The following DPPA2 variants were observed in gnomAD, a reference collection of about 807,000 sequenced individuals.
DPPA2 encodes developmental pluripotency associated 2.
DPPA2 carries 26 observed loss-of-function variants against 36.2 expected under a neutral mutation model. The ratio of observed to expected loss-of-function variants is 0.72; its 90% confidence interval spans 0.53 to 1.00. The LOEUF is 1.00. Ranked by LOEUF, DPPA2 falls within the 50% of genes least tolerant of loss-of-function variation. DPPA2 has a pLI of 0.00. For synonymous variants in DPPA2, 113 were observed against 123.2 expected, an observed-to-expected ratio of 0.92 and a Z score of 0.55; for missense variants, 361 against 365.1, an observed-to-expected ratio of 0.99 and a Z score of 0.09.
rs536991059 is a variant in DPPA2, at chr3:109,310,710, TGGCCA to T, written c.182-1385_182-1381del. The stretch of plus-strand genomic sequence containing the variant: ...TAGTAGAGACGGTGTTTCACTATGT[TGGCCA>T]GGCTGGTCTCGAACGCCTGACCTTG... On this transcript the variant is annotated intron_variant, in intron 3 of 8. Transcript: ENST00000478945. Among the ~76,000 whole-genome samples, 497 of 152,048 alleles carry T rather than the reference TGGCCA, an allele frequency of 3.3e-3. 3 individuals carry two copies. The highest frequency in any genetic ancestry group is 0.011 in the African/African-American group (471 of 41,494).
intron 8 of DPPA2, among the ~76,000 whole-genome samples, chr3:109,296,032 C>T (rs946579734): frequency 1.8e-4 from 27 of 152,018 alleles, no homozygotes; most frequent in African/African-American, 6.3e-4. Context: ...TTAAAAAGAA[C>T]TGAATATCCA....
intron 8 of DPPA2, among the ~76,000 whole-genome samples, chr3:109,297,563 C>T (rs1707377315): frequency 6.6e-6 from 1 of 151,526 alleles, no homozygotes; most frequent in Non-Finnish European, 1.5e-5. Flanking sequence ...TACTGTGGCA[C>T]GCCTATTAGA....
chr3:109,303,616 G>A (rs186222288), intron 7 of DPPA2, among the ~76,000 whole-genome samples: 3,760 of 151,506 alleles, frequency 0.025, 149 homozygotes, highest in African/African-American at 0.084. Context: ...TGATCCGCCC[G>A]CCTCGGCCTC....
chr3:109,314,718 G>T (rs1277192132), intron 1 of DPPA2, among the ~76,000 whole-genome samples, 163 bp from the exon 2 acceptor site: 1 of 152,070 alleles, frequency 6.6e-6, no homozygotes, highest in South Asian at 2.1e-4. Context: ...CTGGTAATGG[G>T]ATAATTTTAT....
At chr3:109,305,788 A>C (rs572070328) in intron 6 of DPPA2, among the ~76,000 whole-genome samples, 26 of 152,088 alleles carry the variant, frequency 1.7e-4, no homozygotes, top group Non-Finnish European at 3.5e-4. Flanking sequence ...AAAAAAAAAA[A>C]AAAACGCGTA....
chr3:109,303,734 G>A (rs1048305780), intron 7 of DPPA2, among the ~76,000 whole-genome samples: 4 of 152,126 alleles, frequency 2.6e-5, no homozygotes, highest in African/African-American at 9.7e-5. Context: ...GTGAGTATCT[G>A]ACATGTATTA....
At chr3:109,313,806 A>G (rs1308755964) in intron 2 of DPPA2, among the ~76,000 whole-genome samples, 3 of 152,186 alleles carry the variant, frequency 2.0e-5, no homozygotes, top group Non-Finnish European at 4.4e-5. Context: ...TCAAAATAAC[A>G]CTGACATTAT....
intron 1 of DPPA2, 74 bp from the exon 2 acceptor site, chr3:109,314,629 G>T: frequency 7.1e-7 from 1 of 1,416,630 alleles, no homozygotes; most frequent in Non-Finnish European, 9.7e-7. Context: ...CCTTTTATAA[G>T]CAAATGTTTC....
chr3:109,296,639 C>A (rs576904695), intron 8 of DPPA2, among the ~76,000 whole-genome samples: 50 of 150,780 alleles, frequency 3.3e-4, no homozygotes, highest in African/African-American at 9.0e-4. Flanking sequence ...CGCGCCATTG[C>A]GCTCCAGCTG....
At chr3:109,296,688 TA>T (rs35910479) in intron 8 of DPPA2, among the ~76,000 whole-genome samples, 1 of 147,320 alleles carries the variant, frequency 6.8e-6, no homozygotes, top group African/African-American at 2.5e-5. Context: ...AAAAAAATAA[TA>T]AAAAAAAAAG....
Position 109,304,426 on chromosome 3 carries a change from T to C in DPPA2, c.854+49A>G, listed in dbSNP as rs201058739. ...GTTAAATTATTTAGAAATCCATCTA[T>C]ACACCTACTTTTCTGTGTGCCATGC... On this transcript the variant is annotated intron_variant, in intron 7 of 8. Coordinates refer to ENST00000478945, the MANE Select transcript of DPPA2 (RefSeq NM_138815.4). 9.1e-5 allele frequency: 139 copies of C among 1,525,098 alleles called. No homozygotes were observed. In the Admixed American group the frequency reaches 2.7e-3, roughly 30 times the overall value. The allele number at this position is 1,525,098 out of a possible 1,614,324, so 94.5% of individuals were successfully genotyped here.
At chr3:109,300,249 T>G in intron 8 of DPPA2, 122 bp downstream of exon 8, 1 of 769,226 alleles carries the variant, frequency 1.3e-6, no homozygotes, top group Non-Finnish European at 2.2e-6. Context: ...CTTTGATACA[T>G]TTATGTCCTG....
At position 109,298,288 on chromosome 3, in the gene DPPA2, TA is replaced by T. The variant is rs1707388245; in HGVS notation, c.*22+2082del. On this transcript the variant is annotated intron_variant, in intron 8 of 8. Coordinates refer to ENST00000478945, the MANE Select transcript of DPPA2 (RefSeq NM_138815.4). Reference sequence around the variant, plus strand: ...AATATGAACTATAGAGTTTAGTTAATAATAAGGTATCTGCTCGGTGTAGAGG... The same window carrying T: ...AATATGAACTATAGAGTTTAGTTAATATAAGGTATCTGCTCGGTGTAGAGG... 9.2e-5 allele frequency among the ~76,000 whole-genome samples: 14 copies of T among 152,280 alleles called. No homozygotes were observed. The South Asian group carries it at 2.9e-3, about 32-fold the overall frequency.
At chr3:109,299,092 G>C (rs1470264394) in intron 8 of DPPA2, among the ~76,000 whole-genome samples, 1 of 151,910 alleles carries the variant, frequency 6.6e-6, no homozygotes, top group Non-Finnish European at 1.5e-5. Flanking sequence ...GGGCACGGTG[G>C]CTCACGCCTG....
At chr3:109,312,211 G>A (rs540996904) in intron 3 of DPPA2, among the ~76,000 whole-genome samples, 15 of 152,280 alleles carry the variant, frequency 9.9e-5, no homozygotes, top group South Asian at 4.1e-4. Flanking sequence ...GCCCATGCCT[G>A]TAATCCCAGT....
At position 109,314,552 on chromosome 3, in the gene DPPA2, C is replaced by G; in HGVS notation, c.-10G>C. 1 of 1,609,630 alleles carries G rather than the reference C, an allele frequency of 6.2e-7. No individual in the cohort carries two copies. Among genetic ancestry groups the G allele is most frequent in the Non-Finnish European group, 8.5e-7 (1 of 1,176,908 alleles). On this transcript the variant is annotated 5_prime_UTR_variant, in exon 2 of 9. Transcript: ENST00000478945. ...AATTTGCATCTGACATTTTCAGCAA[C>G]ACCCTGGGGAAGGCAAGGACAGCAA...
chr3:109,316,460 AT>A lies in DPPA2; in HGVS notation c.-191del, dbSNP rs1274735006. ...ACCGCCACGCCCAGCCCTCCGGACGATTCTTAAGCTCCTGAAGTCTAGAAGC... is the reference window on the plus strand; with the variant it reads ...ACCGCCACGCCCAGCCCTCCGGACGATCTTAAGCTCCTGAAGTCTAGAAGC... On this transcript the variant is annotated 5_prime_UTR_variant, in exon 1 of 9. Coordinates refer to ENST00000478945, the MANE Select transcript of DPPA2 (RefSeq NM_138815.4). 6.6e-6 allele frequency: 1 copy of A among 152,366 alleles called. No individual in the cohort carries two copies. Among genetic ancestry groups the A allele is most frequent in the African/African-American group, 2.4e-5 (1 of 41,432 alleles). 9.4% of individuals were successfully genotyped at this position (152,366 alleles called of 1,614,324 possible).
chr3:109,311,491 G>A (rs1038983178), intron 3 of DPPA2, among the ~76,000 whole-genome samples: 6 of 152,152 alleles, frequency 3.9e-5, no homozygotes, highest in African/African-American at 1.4e-4. Flanking sequence ...TGTAATCCCA[G>A]CACTTTGGGA....
intron 7 of DPPA2, among the ~76,000 whole-genome samples, chr3:109,303,703 A>C (rs540746886): frequency 6.6e-6 from 1 of 152,110 alleles, no homozygotes; most frequent in South Asian, 2.1e-4. Flanking sequence ...GGCTAGATGG[A>C]TTTTGTTTTT....
Sources: allele counts gnomAD v4.1 joint callset (sites outside exome capture counted in the v4.1 genomes callset), GRCh38; gene constraint gnomAD v4.1.1; transcripts MANE v1.5; gene names NCBI Gene and HGNC (gene_info 2026-07-23, HGNC 2026-07-21).